Variants in HYDIN observed in about 807,000 individuals in gnomAD.
HYDIN encodes axonemal central pair apparatus protein HYDIN.
HYDIN carries 132 observed loss-of-function variants against 403.9 expected under a neutral mutation model. The ratio of observed to expected loss-of-function variants is 0.33; its 90% CI spans 0.28 to 0.38. The LOEUF is 0.38. HYDIN is among the 10% of genes least tolerant of loss of function. The probability of loss-of-function intolerance (pLI) is 1.00; values close to 1 mark genes in which losing one functional copy is unlikely to be tolerated. For missense variants in HYDIN, 2,827 were observed against 5,009.5 expected (o/e 0.56, Z 13.15); for synonymous variants, 1,202 against 1,891.7 (o/e 0.64, Z 9.46).
intron 1 of HYDIN, among the ~76,000 whole-genome samples, chr16:71,226,596 C>T (rs1208528149): frequency 6.6e-6 from 1 of 152,180 alleles, no homozygotes; most frequent in African/African-American, 2.4e-5. Context: ...AAACTTTTGA[C>T]TTCAAAGACA....
chr16:71,185,977 A>C (rs1336418708), intron 2 of HYDIN, among the ~76,000 whole-genome samples: 2 of 152,222 alleles, frequency 1.3e-5, no homozygotes, highest in Non-Finnish European at 2.9e-5. Flanking sequence ...CTTGGTTAAG[A>C]TCTTTTTGAT....
intron 20 of HYDIN, among the ~76,000 whole-genome samples, chr16:71,026,848 T>C (rs983174188): frequency 3.9e-5 from 6 of 152,120 alleles, no homozygotes; most frequent in African/African-American, 9.7e-5. Context: ...TCCTATTTAA[T>C]GTGGGGAAAA....
intron 41 of HYDIN, among the ~76,000 whole-genome samples, chr16:70,951,694 C>G (rs981862471): frequency 1.3e-5 from 2 of 151,392 alleles, no homozygotes; most frequent in African/African-American, 4.9e-5. Flanking sequence ...TGACACTTCT[C>G]CAGGGGTTCC....
At chr16:71,175,866 A>G in intron 4 of HYDIN, 125 bp from the exon 5 acceptor site, 1 of 871,760 alleles carries the variant, frequency 1.1e-6, no homozygotes, top group Non-Finnish European at 1.9e-6. Context: ...AGTCTTCTCA[A>G]CTATAAAAGG....
At chr16:71,224,543 T>G (rs2040943601) in intron 1 of HYDIN, among the ~76,000 whole-genome samples, 1 of 151,826 alleles carries the variant, frequency 6.6e-6, no homozygotes, top group Non-Finnish European at 1.5e-5. Context: ...TTAAATTTAA[T>G]TTGGCTAAGG....
Position 70,921,152 on chromosome 16 carries a change from T to A in HYDIN, c.7224A>T (p.Glu2408Asp). ...ETIERKISVR[E>D]QTMSEKEELN... is the part of the protein sequence containing the mutation. ...GCTCTTCCTTCTCAGACATTGTTTG[T>A]TCCCTAACAGATATTTTCCTTTCGA... Residue 2408 changes from glutamate to aspartate, a missense_variant, in exon 46 of 86, where the codon GAA becomes GAT. Glu to Asp is a conservative substitution (Grantham distance 45). Coordinates refer to ENST00000393567, the MANE Select transcript of HYDIN (RefSeq NM_001270974.2). 4 of 1,507,730 alleles carry A rather than the reference T, an allele frequency of 2.7e-6. No homozygotes were observed. The highest frequency in any genetic ancestry group is 3.6e-6 in the Non-Finnish European group (4 of 1,107,764). 93.4% of individuals were successfully genotyped at this position (1,507,730 alleles called of 1,614,324 possible). A position where few individuals can be genotyped will look rare whatever the true frequency, so the allele number is the denominator to read the frequency against.
intron 5 of HYDIN, among the ~76,000 whole-genome samples, chr16:71,163,962 G>C (rs564402279): frequency 6.6e-6 from 1 of 150,970 alleles, no homozygotes; most frequent in African/African-American, 2.4e-5. Flanking sequence ...TGAGGCCCTA[G>C]GCATCTCTCT....
intron 20 of HYDIN, 126 bp downstream of exon 20, chr16:71,027,476 T>C (rs978841294): frequency 5.0e-5 from 77 of 1,536,960 alleles, no homozygotes; most frequent in Non-Finnish European, 6.5e-5. Flanking sequence ...TAACTCAGGA[T>C]TGTACACAAT....
In HYDIN at chr16:70,808,991, C is replaced by T. The variant is rs148965493; in HGVS notation, c.14883+792G>A. Among the ~76,000 whole-genome samples, 575 of 152,330 alleles carry T rather than the reference C, an allele frequency of 3.8e-3. 2 individuals carry two copies. Among genetic ancestry groups the T allele is most frequent in the African/African-American group, 0.013 (540 of 41,568 alleles). ...GCCTGGTGTCAGCGAGCTGCCATTC[C>T]AGCTCAAACTGCTTATGCCCAGACT... On this transcript the variant is annotated intron_variant, in intron 85 of 85. Coordinates refer to ENST00000393567, the MANE Select transcript of HYDIN (RefSeq NM_001270974.2).
chr16:71,186,943 AGAACAAATACAGTTAATTCCT>A, intron 1 of HYDIN, 25 bp from the exon 2 acceptor site: 1 of 1,521,474 alleles, frequency 6.6e-7, no homozygotes, highest in African/African-American at 1.4e-5. Context: ...AAAATGTCTT[AGAACAAATACAGTTAATTCCT>A]GAATACAGGT....
At chr16:71,048,843 C>A (rs554478656) in intron 18 of HYDIN, among the ~76,000 whole-genome samples, 1 of 152,198 alleles carries the variant, frequency 6.6e-6, no homozygotes, top group Non-Finnish European at 1.5e-5. Context: ...TATAACAAAC[C>A]TGCACATGTA....
intron 23 of HYDIN, among the ~76,000 whole-genome samples, chr16:70,992,912 C>T (rs546756310): frequency 1.0e-3 from 156 of 152,328 alleles, no homozygotes; most frequent in African/African-American, 3.6e-3. Context: ...TGTGGGGTCA[C>T]CCCCATTCTT....
intron 9 of HYDIN, 99 bp downstream of exon 9, chr16:71,129,541 C>A (rs1336529541): frequency 3.3e-6 from 4 of 1,205,512 alleles, no homozygotes; most frequent in Non-Finnish European, 4.6e-6. Context: ...CACTCTCTTG[C>A]AACTCACCGT....
chr16:70,831,179 T>TAAGG (rs1165977912), intron 80 of HYDIN, among the ~76,000 whole-genome samples: 14 of 151,600 alleles, frequency 9.2e-5, no homozygotes, highest in Admixed American at 7.9e-4. Context: ...AGAAGGAATC[T>TAAGG]AAGGACTAGT....
chr16:70,892,577 T>G (rs750467777), intron 55 of HYDIN, 48 bp from the exon 56 acceptor site: 12 of 1,571,176 alleles, frequency 7.6e-6, no homozygotes, highest in African/African-American at 4.1e-5. Context: ...TCCCGGGAAC[T>G]CAAGATCCCA....
rs555974248 is a variant in HYDIN, at chr16:70,818,211, G to A, written c.14658+131C>T. On this transcript the variant is annotated intron_variant, in intron 84 of 85. Coordinates refer to ENST00000393567, the MANE Select transcript of HYDIN (RefSeq NM_001270974.2). Reference sequence around the variant, plus strand: ...AAAGGAACATGAGGGTGATTGTCCCGTCCTCTGCCTTCCTGACCACTGTCA... The same window carrying A: ...AAAGGAACATGAGGGTGATTGTCCCATCCTCTGCCTTCCTGACCACTGTCA... The A allele has an allele frequency of 1.6e-3, 970 of 603,410 alleles. 6 individuals carry two copies. The highest frequency in any genetic ancestry group is 0.011 in the African/African-American group (585 of 53,832). The allele number at this position is 603,410 out of a possible 1,614,324, so 37.4% of individuals were successfully genotyped here.
In HYDIN at chr16:70,920,934, T is replaced by C; in HGVS notation, c.7442A>G (p.Gln2481Arg). The stretch of plus-strand genomic sequence containing the variant: ...TTCCTCCATCCCTGCAGGAGGCAGC[T>C]GGACTCCTTGCTTCCGGTCCCAGTA... Reference protein sequence around the residue: ...LMYWDRKQGVQLPPAGMEEAP... With the variant: ...LMYWDRKQGVRLPPAGMEEAP... Residue 2481 changes from glutamine to arginine, a missense_variant, in exon 46 of 86, where the codon CAG becomes CGG. Coordinates refer to ENST00000393567, the MANE Select transcript of HYDIN (RefSeq NM_001270974.2). 6.2e-7 allele frequency: 1 copy of C among 1,613,284 alleles called. No homozygotes were observed. The highest frequency in any genetic ancestry group is 8.5e-7 in the Non-Finnish European group (1 of 1,179,590).
intron 30 of HYDIN, among the ~76,000 whole-genome samples, chr16:70,978,134 CT>C (rs1456694246): frequency 2.0e-5 from 3 of 152,128 alleles, no homozygotes; most frequent in Admixed American, 6.5e-5. Flanking sequence ...CTCCCCTCCC[CT>C]CCCACCAAGA....
At chr16:70,985,081 A>G (rs2079149554) in intron 28 of HYDIN, 104 bp downstream of exon 28, 1 of 967,102 alleles carries the variant, frequency 1.0e-6, no homozygotes, top group Admixed American at 3.0e-5. Flanking sequence ...CTTTAGTTTT[A>G]ACAAAAAGAA....
Sources: allele counts gnomAD v4.1 joint callset (sites outside exome capture counted in the v4.1 genomes callset), GRCh38; gene constraint gnomAD v4.1.1; transcripts MANE v1.5; gene names NCBI Gene and HGNC (gene_info 2026-07-23, HGNC 2026-07-21).